The following DNASE1L3 variants were observed in gnomAD, a reference collection of about 807,000 sequenced individuals.
DNASE1L3 encodes the protein deoxyribonuclease gamma.
In DNASE1L3, 27 loss-of-function variants were observed where a neutral mutation model predicts 30.9. That is an observed-to-expected ratio of 0.87 (90% CI 0.64 to 1.20). The LOEUF (loss-of-function observed/expected upper bound fraction) is 1.20, where lower values mean the gene tolerates loss of function less well. DNASE1L3 is among the 50% of genes most tolerant of loss of function. DNASE1L3 has a pLI of 0.00. For missense variants in DNASE1L3, 364 were observed against 378.2 expected (o/e 0.96, Z 0.31); for synonymous variants, 135 against 138.0 (o/e 0.98, Z 0.15).
chr3:58,207,677 TAA>T (rs1292243398), intron 2 of DNASE1L3: 1 of 152,162 alleles, frequency 6.6e-6, no homozygotes, highest in Non-Finnish European at 1.5e-5. Context: ...ATTTTTTTTT[TAA>T]GAGATAGGGT....
At chr3:58,201,302 C>A (rs751055320) in intron 4 of DNASE1L3, among the ~76,000 whole-genome samples, 193 bp from the exon 5 acceptor site, 1 of 152,196 alleles carries the variant, frequency 6.6e-6, no homozygotes, top group African/African-American at 2.4e-5. Context: ...TTTTAGTACA[C>A]GAAAGACTCA....
chr3:58,202,097 GA>G, intron 4 of DNASE1L3, among the ~76,000 whole-genome samples: 1 of 150,162 alleles, frequency 6.7e-6, no homozygotes, highest in Non-Finnish European at 1.5e-5. Flanking sequence ...TAATTGACAG[GA>G]AAAATTGCAT....
At chr3:58,210,012 C>T (rs1371344932) in intron 1 of DNASE1L3, among the ~76,000 whole-genome samples, 3 of 150,434 alleles carry the variant, frequency 2.0e-5, no homozygotes, top group African/African-American at 2.5e-5. Flanking sequence ...CCAAGGAAAG[C>T]GTAAGCGAAA....
At chr3:58,204,559 G>A (rs1045419144) in intron 4 of DNASE1L3, among the ~76,000 whole-genome samples, 1 of 152,192 alleles carries the variant, frequency 6.6e-6, no homozygotes, top group Non-Finnish European at 1.5e-5. Flanking sequence ...CCAGAAAGTG[G>A]GTTCTGGGCT....
chr3:58,209,818 C>T (rs1276929940), intron 1 of DNASE1L3, among the ~76,000 whole-genome samples: 1 of 152,220 alleles, frequency 6.6e-6, no homozygotes, highest in Non-Finnish European at 1.5e-5. Context: ...GGAATCTGGA[C>T]CCAGGGCTCC....
In DNASE1L3 at chr3:58,192,790, C is replaced by G. The variant is rs764180604; in HGVS notation, c.815G>C (p.Ser272Thr). 6.8e-6 allele frequency: 11 copies of G among 1,613,884 alleles called. No homozygotes were observed. The highest frequency in any genetic ancestry group is 9.3e-6 in the Non-Finnish European group (11 of 1,179,962). ...KLTEEEALDV[S>T]DHFPVEFKLQ... Reference sequence around the variant, plus strand: ...TTTAAATTCAACTGGAAAGTGGTCGCTGACATCCAGGGCCTATAAGGAGAA... The same window carrying G: ...TTTAAATTCAACTGGAAAGTGGTCGGTGACATCCAGGGCCTATAAGGAGAA... Residue 272 changes from serine to threonine, a missense_variant, in exon 8 of 8, where the codon AGC becomes ACC. Coordinates refer to ENST00000394549, the MANE Select transcript of DNASE1L3 (RefSeq NM_004944.4). This position sits in a 1 kb window ranked among gnomAD's most constrained non-coding sequence, Gnocchi z 4.8.
At chr3:58,195,639 A>C (rs966592069) in intron 6 of DNASE1L3, among the ~76,000 whole-genome samples, 1 of 149,214 alleles carries the variant, frequency 6.7e-6, no homozygotes, top group Non-Finnish European at 1.5e-5. Context: ...AAAAAAAAAA[A>C]GCGGGGCATG....
At chr3:58,196,079 C>T (rs2097397155) in intron 6 of DNASE1L3, among the ~76,000 whole-genome samples, 1 of 152,144 alleles carries the variant, frequency 6.6e-6, no homozygotes, top group South Asian at 2.1e-4. Flanking sequence ...ACTTGACCTA[C>T]CCACGGGCAC....
At chr3:58,208,102 G>T in intron 2 of DNASE1L3, 116 bp downstream of exon 2, 3 of 963,576 alleles carry the variant, frequency 3.1e-6, no homozygotes, top group Non-Finnish European at 4.8e-6. Context: ...GGCAACACTG[G>T]CTGTGTGAAC....
chr3:58,210,640 G>T, intron 1 of DNASE1L3, 126 bp downstream of exon 1: 1 of 1,442,886 alleles, frequency 6.9e-7, no homozygotes. Context: ...AGTGGTTATT[G>T]TTCCAAGCCA....
At chr3:58,201,378 T>C (rs980561306) in intron 4 of DNASE1L3, among the ~76,000 whole-genome samples, 2 of 152,270 alleles carry the variant, frequency 1.3e-5, no homozygotes, top group Non-Finnish European at 2.9e-5. Flanking sequence ...TAAAAAAGTT[T>C]CCTCTTCAAA....
chr3:58,192,372 T>C lies in DNASE1L3; in HGVS notation c.*315A>G. The C allele has an allele frequency of 1.0e-5, 2 of 195,848 alleles. No individual in the cohort carries two copies. The highest frequency in any genetic ancestry group is 2.1e-5 in the Non-Finnish European group (2 of 97,148). The allele number at this position is 195,848 out of a possible 1,614,324, so 12.1% of individuals were successfully genotyped here. ...GAGGACTGAAAGCTGACGCTCTTCC[T>C]CCCCCTGCAGCCTCTCGCATGACAG... On this transcript the variant is annotated 3_prime_UTR_variant, in exon 8 of 8. Transcript: ENST00000394549. This position sits in a 1 kb window ranked among gnomAD's most constrained non-coding sequence, Gnocchi z 4.8.
rs147219402 is a variant in DNASE1L3 at position 58,201,077 on chromosome 3, T to G, written c.466A>C (p.Thr156Pro). Residue 156 changes from threonine (T) to proline (P), a missense_variant, in exon 5 of 8, where the codon ACC (threonine) becomes CCC (proline). Transcript: ENST00000394549. ...VKDFVIIPLHTTPETSVKEID... is the reference protein window; with the variant it reads ...VKDFVIIPLHPTPETSVKEID... Reference sequence around the variant, plus strand: ...TCCTTAACGGATGTCTCTGGGGTGGTGTGCAGGGGGATAATCACGAAGTCT... The same window carrying G: ...TCCTTAACGGATGTCTCTGGGGTGGGGTGCAGGGGGATAATCACGAAGTCT... 27 of 1,611,318 alleles carry G rather than the reference T, an allele frequency of 1.7e-5. No homozygotes were observed. Among genetic ancestry groups the G allele is most frequent in the Middle Eastern group, 1.6e-4 (1 of 6,082 alleles).
rs34773952 is a variant in DNASE1L3, at chr3:58,195,613, C to CAAAAAAAAAAAAAA, written c.705-2188_705-2175dup. Among the ~76,000 whole-genome samples the CAAAAAAAAAAAAAA allele has an allele frequency of 2.1e-4, 8 of 38,444 alleles. 1 individual carries two copies. Among genetic ancestry groups the CAAAAAAAAAAAAAA allele is most frequent in the Non-Finnish European group, 3.1e-4 (6 of 19,508 alleles). 25.2% of individuals were successfully genotyped at this position (38,444 alleles called of 152,430 possible). A position where few individuals can be genotyped will look rare whatever the true frequency, so the allele number is the denominator to read the frequency against. On this transcript the variant is annotated intron_variant, in intron 6 of 7. Coordinates refer to ENST00000394549, the MANE Select transcript of DNASE1L3 (RefSeq NM_004944.4). The stretch of plus-strand genomic sequence containing the variant: ...CGAAACCCCATCTCTACTAAAATTA[C>CAAAAAAAAAAAAAA]AAAAAAAAAAAAAAAAAAAAAAAAA...
In DNASE1L3 at chr3:58,200,889, C is replaced by T; in HGVS notation, c.546+108G>A. On this transcript the variant is annotated intron_variant, in intron 5 of 7. Transcript: ENST00000394549. The surrounding 1 kb of genome is among the most constrained non-coding windows in gnomAD (Gnocchi z 4.2). Reference sequence around the variant, plus strand: ...TAAAGAATGCTGTAAGTGGTGGTAGCCTGCACATGCCCTTCCTCCTCCCCC... The same window carrying T: ...TAAAGAATGCTGTAAGTGGTGGTAGTCTGCACATGCCCTTCCTCCTCCCCC... The T allele has an allele frequency of 1.3e-6, 1 of 783,066 alleles. No homozygotes were observed. Among genetic ancestry groups the T allele is most frequent in the Non-Finnish European group, 2.0e-6 (1 of 489,588 alleles). The allele number at this position is 783,066 out of a possible 1,614,324, so 48.5% of individuals were successfully genotyped here.
intron 1 of DNASE1L3, among the ~76,000 whole-genome samples, chr3:58,210,141 G>GT (rs944555256): frequency 1.1e-4 from 17 of 149,922 alleles, no homozygotes; most frequent in African/African-American, 4.2e-4. Context: ...AAGGAAAAAA[G>GT]TAAGGAAGGG....
intron 6 of DNASE1L3, among the ~76,000 whole-genome samples, chr3:58,193,939 G>A (rs927609433): frequency 6.6e-6 from 1 of 152,144 alleles, no homozygotes. Flanking sequence ...ATTTTCACTG[G>A]ACTTAATTTT....
chr3:58,208,245 C>A lies in DNASE1L3; in HGVS notation c.203G>T (p.Cys68Phe). 1 of 1,614,198 alleles carries A rather than the reference C, an allele frequency of 6.2e-7. No individual in the cohort carries two copies. The highest frequency in any genetic ancestry group is 8.5e-7 in the Non-Finnish European group (1 of 1,180,014). ...MEIKDSNNRI[C>F]PILMEKLNRN... ...GTTCAGCTTCTCCATCAGTATGGGGCAGATCCTGTTGTTGCTGTCCTTGAT... is the reference window on the plus strand; with the variant it reads ...GTTCAGCTTCTCCATCAGTATGGGGAAGATCCTGTTGTTGCTGTCCTTGAT... The change falls in exon 2 of 8, where the codon TGC becomes TTC. Residue 68 changes from cysteine to phenylalanine, a missense_variant. Transcript: ENST00000394549.
chr3:58,201,355 CT>C (rs1291331186), intron 4 of DNASE1L3, among the ~76,000 whole-genome samples: 3 of 152,208 alleles, frequency 2.0e-5, no homozygotes, highest in African/African-American at 7.2e-5. Flanking sequence ...AGCTGGTAGA[CT>C]GTTGTAGAAA....
Sources: gnomAD v4.1 joint callset for allele counts (sites outside exome capture counted in the v4.1 genomes callset) on GRCh38, gnomAD v4.1.1 for gene constraint, Gnocchi (gnomAD v3.1) non-coding constraint, MANE v1.5 for transcripts, NCBI Gene and HGNC (gene_info 2026-07-23, HGNC 2026-07-21) for gene names.